Variants in LRP1 observed in about 807,000 individuals in gnomAD.
LRP1 encodes prolow-density lipoprotein receptor-related protein 1.
Under a neutral mutation model 541.5 loss-of-function variants are expected in LRP1, and 51 were observed. The observed-to-expected ratio is 0.09, with a 90% CI of 0.08 to 0.12. The LOEUF is 0.12. Ranked by LOEUF, LRP1 falls within the 10% of genes least tolerant of loss-of-function variation. LRP1 has a pLI of 1.00. For missense variants in LRP1, 3,878 were observed against 6,376.2 expected, an observed-to-expected ratio of 0.61 and a Z score of 13.34; for synonymous variants, 2,219 against 2,470.8, an observed-to-expected ratio of 0.90 and a Z score of 3.02.
intron 8 of LRP1, chr12:57,155,120 G>A (rs2035594585): frequency 5.1e-6 from 2 of 388,546 alleles, no homozygotes; most frequent in Non-Finnish European, 9.4e-6. Flanking sequence ...TCCATTGTGG[G>A]ATAATTAGTG....
At chr12:57,146,974 A>T (rs1944216035) in intron 6 of LRP1, among the ~76,000 whole-genome samples, 1 of 152,078 alleles carries the variant, frequency 6.6e-6, no homozygotes, top group African/African-American at 2.4e-5. Context: ...GCTTCTGGGT[A>T]GGTGGCTATG....
At chr12:57,163,092 G>A (rs2035771164) in intron 15 of LRP1, 109 bp downstream of exon 15, 1 of 1,434,384 alleles carries the variant, frequency 7.0e-7, no homozygotes, top group Non-Finnish European at 9.2e-7. Context: ...AGGAGGCAAT[G>A]AGGGGCCCTT....
intron 1 of LRP1, 133 bp downstream of exon 1, chr12:57,129,164 C>T (rs2034984224): frequency 2.1e-6 from 2 of 958,532 alleles, no homozygotes; most frequent in Non-Finnish European, 3.2e-6. Flanking sequence ...GACACAGCAG[C>T]GGCCCGACTG....
chr12:57,134,935 G>A lies in LRP1; in HGVS notation c.68-3524G>A, dbSNP rs534222013. 5.3e-5 allele frequency among the ~76,000 whole-genome samples: 8 copies of A among 152,316 alleles called. No homozygotes were observed. The South Asian group carries it at 1.5e-3, about 28-fold the overall frequency. The stretch of plus-strand genomic sequence containing the variant: ...TTAGCCAGGATGGTCTCGATCTCCT[G>A]ACATCATGATCTGCCTGCTTCGGCC... On this transcript the variant is annotated intron_variant, in intron 1 of 88. Transcript: ENST00000243077.
rs1226791069 is a variant in LRP1, at chr12:57,210,799, A to G, written c.12836A>G (p.Asn4279Ser). ...QQVCAGYCANNSTCTVNQGNQ... is the reference protein window; with the variant it reads ...QQVCAGYCANSSTCTVNQGNQ... ...GTGTGTGCGGGCTACTGTGCCAACAACAGCACCTGCACTGTCAACCAGGGC... is the reference window on the plus strand; with the variant it reads ...GTGTGTGCGGGCTACTGTGCCAACAGCAGCACCTGCACTGTCAACCAGGGC... Residue 4279 changes from asparagine to serine, a missense_variant, in exon 83 of 89, where the codon AAC becomes AGC. By Grantham distance (46) the Asn-to-Ser change is conservative (BLOSUM62 1). Coordinates refer to ENST00000243077, the MANE Select transcript of LRP1 (RefSeq NM_002332.3). 6.2e-7 allele frequency: 1 copy of G among 1,613,538 alleles called. No individual in the cohort carries two copies. The highest frequency in any genetic ancestry group is 8.5e-7 in the Non-Finnish European group (1 of 1,179,900).
chr12:57,135,986 G>A (rs905695255), intron 1 of LRP1, among the ~76,000 whole-genome samples: 4 of 152,322 alleles, frequency 2.6e-5, no homozygotes, highest in African/African-American at 9.6e-5. Context: ...AGTCCCAGGT[G>A]GGTGGCACGG....
chr12:57,171,226 A>T (rs1429168370), intron 20 of LRP1, among the ~76,000 whole-genome samples: 7 of 152,198 alleles, frequency 4.6e-5, no homozygotes, highest in Admixed American at 1.3e-4. Flanking sequence ...GAGCTGAGGT[A>T]TGTGAGGCCT....
Position 57,204,892 on chromosome 12 carries a change from G to C in LRP1, c.11194+143G>C. On this transcript the variant is annotated intron_variant, in intron 72 of 88. Transcript: ENST00000243077. This position sits in a 1 kb window ranked among gnomAD's most constrained non-coding sequence, Gnocchi z 5.3. ...GGGAGGATCCATTGCTAGGAGCCTG[G>C]GGGCTTTTCGTTAGGAAAGAGAAGC... 1 of 1,403,544 alleles carries C rather than the reference G, an allele frequency of 7.1e-7. No homozygotes were observed. Among genetic ancestry groups the C allele is most frequent in the Non-Finnish European group, 9.6e-7 (1 of 1,042,364 alleles). 86.9% of individuals were successfully genotyped at this position (1,403,544 alleles called of 1,614,324 possible). A position where few individuals can be genotyped will look rare whatever the true frequency, so the allele number is the denominator to read the frequency against.
chr12:57,202,563 C>T, intron 68 of LRP1, 26 bp downstream of exon 68: 1 of 1,488,560 alleles, frequency 6.7e-7, no homozygotes, highest in South Asian at 1.2e-5. Flanking sequence ...CCCAGCCCCG[C>T]ATGAGCCCCT....
rs2036780093 is a variant in LRP1, at chr12:57,206,419, G to A, written c.11591-54G>A. 7 of 1,578,544 alleles carry A rather than the reference G, an allele frequency of 4.4e-6. No homozygotes were observed. Among genetic ancestry groups the A allele is most frequent in the Middle Eastern group, 1.7e-4 (1 of 5,724 alleles). On this transcript the variant is annotated intron_variant, in intron 75 of 88. Coordinates refer to ENST00000243077, the MANE Select transcript of LRP1 (RefSeq NM_002332.3). This position sits in a 1 kb window ranked among gnomAD's most constrained non-coding sequence, Gnocchi z 4.7. ...GTTCATGTGAAAGGAGCTGAGCTGG[G>A]TGGGGTGCACACCTGCATCCCACAG...
In LRP1 at chr12:57,210,812, T is replaced by A; in HGVS notation, c.12849T>A (p.Thr4283=). ...ACTGTGCCAACAACAGCACCTGCAC[T>A]GTCAACCAGGGCAACCAGCCCCAGT... ...AGYCANNSTC[T]VNQGNQPQCR... is the part of the protein sequence containing the mutation. The change falls in exon 83 of 89, where the codon ACT becomes ACA. Residue 4283 remains threonine, a synonymous_variant. Coordinates refer to ENST00000243077, the MANE Select transcript of LRP1 (RefSeq NM_002332.3). 6.2e-7 allele frequency: 1 copy of A among 1,613,460 alleles called. No homozygotes were observed. Among genetic ancestry groups the A allele is most frequent in the Non-Finnish European group, 8.5e-7 (1 of 1,179,856 alleles).
At position 57,190,898 on chromosome 12, in the gene LRP1, C is replaced by T; in HGVS notation, c.7125C>T (p.Asp2375=). The change falls in exon 43 of 89, where the codon GAC becomes GAT. Residue 2375 remains aspartate, a synonymous_variant. Transcript: ENST00000243077. The stretch of plus-strand genomic sequence containing the variant: ...ATGTCCTGACCCTTATCGAGAAGGA[C>T]ATCCGTACCCCCAATGGCCTGGCCA... ...GANVLTLIEK[D]IRTPNGLAID... The T allele has an allele frequency of 6.2e-7, 1 of 1,613,888 alleles. No individual in the cohort carries two copies. The highest frequency in any genetic ancestry group is 8.5e-7 in the Non-Finnish European group (1 of 1,179,998).
At chr12:57,196,404 C>T (rs2136732352) in intron 55 of LRP1, 127 bp downstream of exon 55, 1 of 994,912 alleles carries the variant, frequency 1.0e-6, no homozygotes. Flanking sequence ...CAGAAATCTG[C>T]TTGGTTGGGG....
Position 57,162,569 on chromosome 12 carries a change from C to G in LRP1, c.2404+51C>G. On this transcript the variant is annotated intron_variant, in intron 14 of 88. Coordinates refer to ENST00000243077, the MANE Select transcript of LRP1 (RefSeq NM_002332.3). This position sits in a 1 kb window ranked among gnomAD's most constrained non-coding sequence, Gnocchi z 5.2. Reference sequence around the variant, plus strand: ...GTGGGACCTGGAAGGGGTGGTGGGACTTAGGCATTGATTTGAGACTTCCCT... The same window carrying G: ...GTGGGACCTGGAAGGGGTGGTGGGAGTTAGGCATTGATTTGAGACTTCCCT... 1 of 1,598,606 alleles carries G rather than the reference C, an allele frequency of 6.3e-7. No individual in the cohort carries two copies. The highest frequency in any genetic ancestry group is 1.1e-5 in the South Asian group (1 of 90,492).
At chr12:57,200,844 CT>C in intron 64 of LRP1, 29 bp downstream of exon 64, 2 of 1,565,318 alleles carry the variant, frequency 1.3e-6, no homozygotes, top group East Asian at 2.3e-5. Context: ...ACCCTCCCTC[CT>C]TCCCCAGCAT....
At position 57,210,879 on chromosome 12, in the gene LRP1, C is replaced by T. The variant is rs1287931581; in HGVS notation, c.12916C>T (p.Arg4306Trp). Residue 4306 changes from arginine to tryptophan, a missense_variant and splice_region_variant, in exon 83 of 89, where the codon CGG becomes TGG. Arg to Trp is a moderately radical substitution (Grantham distance 101, BLOSUM62 -3). Transcript: ENST00000243077. ...CTTCCTGGGCGACCGCTGCCAGTAC[C>T]GTGAGTGAGCCATCCCTGGGCCCCA... Reference protein sequence around the residue: ...PGFLGDRCQYRQCSGYCENFG... With the variant: ...PGFLGDRCQYWQCSGYCENFG... 9.3e-6 allele frequency: 15 copies of T among 1,608,626 alleles called. No individual in the cohort carries two copies. The highest frequency in any genetic ancestry group is 2.2e-5 in the South Asian group (2 of 90,836).
Position 57,173,328 on chromosome 12 carries a change from C to T in LRP1, c.3324C>T (p.Val1108=). 1 of 1,613,500 alleles carries T rather than the reference C, an allele frequency of 6.2e-7. No individual in the cohort carries two copies. Among genetic ancestry groups the T allele is most frequent in the Non-Finnish European group, 8.5e-7 (1 of 1,179,588 alleles). ...TGACCCACGTCTGCGATCCCAGTGT[C>T]AAGTTTGGCTGCAAGGACTCAGGTG... ...EGVTHVCDPS[V]KFGCKDSARC... is the part of the protein sequence containing the mutation. Residue 1108 remains valine (V), a synonymous_variant, in exon 21 of 89, where the codon GTC becomes GTT. Coordinates refer to ENST00000243077, the MANE Select transcript of LRP1 (RefSeq NM_002332.3). This position sits in a 1 kb window ranked among gnomAD's most constrained non-coding sequence, Gnocchi z 4.7.
intron 1 of LRP1, among the ~76,000 whole-genome samples, chr12:57,137,658 T>C (rs2035200287): frequency 6.6e-6 from 1 of 151,914 alleles, no homozygotes. Flanking sequence ...TAGCTGGACA[T>C]GGTGATGCAT....
chr12:57,199,942 G>A lies in LRP1; in HGVS notation c.9931G>A (p.Gly3311Arg), dbSNP rs757961457. 1.3e-5 allele frequency: 21 copies of A among 1,595,140 alleles called. No individual in the cohort carries two copies. Among genetic ancestry groups the A allele is most frequent in the Non-Finnish European group, 1.8e-5 (21 of 1,173,362 alleles). The change falls in exon 62 of 89, where the codon GGA (glycine) becomes AGA (arginine). Residue 3311 changes from glycine (G) to arginine (R), a missense_variant. This residue lies in a region of LRP1 where 1,100 missense variants were observed against 1,827.4 expected (regional missense o/e 0.60). Transcript: ENST00000243077. ...CSNLCLLSPG[G>R]GHKCACPTNF... ...CAACCTGTGCCTGCTGTCCCCCGGG[G>A]GAGGGCACAAATGTGCCTGCCCCAC...
Sources: allele counts gnomAD v4.1 joint callset (sites outside exome capture counted in the v4.1 genomes callset), GRCh38; gene constraint gnomAD v4.1.1; regional missense constraint gnomAD v4.1.1; non-coding constraint Gnocchi (gnomAD v3.1); transcripts MANE v1.5; gene names NCBI Gene and HGNC (gene_info 2026-07-23, HGNC 2026-07-21).